Variants in NDE1 observed in about 807,000 individuals in gnomAD.
NDE1 encodes the protein nudE neurodevelopment protein 1, also known as nuclear distribution protein nudE homolog 1.
Under a neutral mutation model 43.4 loss-of-function variants are expected in NDE1, and 28 were observed. The ratio of observed to expected loss-of-function variants is 0.65; its 90% CI spans 0.48 to 0.89. The LOEUF is 0.89. Among genes scored for constraint, NDE1 ranks in the 40% least tolerant of loss-of-function variants. The pLI is 0.00. For missense variants in NDE1, 441 were observed against 434.1 expected, an observed-to-expected ratio of 1.02 and a Z score of -0.14; for synonymous variants, 184 against 172.0, an observed-to-expected ratio of 1.07 and a Z score of -0.55.
At position 15,721,335 on chromosome 16, in the gene NDE1, C is replaced by G. The variant is rs576885825; in HGVS notation, c.948-2856C>G. 5.6e-6 allele frequency: 8 copies of G among 1,440,744 alleles called. No homozygotes were observed. The Admixed American group carries it at 6.8e-5, about 12-fold the overall frequency. 89.2% of individuals were successfully genotyped at this position (1,440,744 alleles called of 1,614,324 possible). ...GATGATAGTTCGCTATGAAAAAGGCCAGGAGCTAGCCTCGCATGGACTGGT... is the reference window on the plus strand; with the variant it reads ...GATGATAGTTCGCTATGAAAAAGGCGAGGAGCTAGCCTCGCATGGACTGGT... On this transcript the variant is annotated intron_variant, in intron 8 of 8. Coordinates refer to ENST00000396354, the MANE Select transcript of NDE1 (RefSeq NM_017668.3).
In NDE1 at chr16:15,650,252, C is replaced by T. The variant is rs1217388099; in HGVS notation, c.-86C>T. 5 of 301,942 alleles carry T rather than the reference C, an allele frequency of 1.7e-5. No individual in the cohort carries two copies. Among genetic ancestry groups the T allele is most frequent in the South Asian group, 7.4e-5 (3 of 40,352 alleles). 18.7% of individuals were successfully genotyped at this position (301,942 alleles called of 1,614,324 possible). A position where few individuals can be genotyped will look rare whatever the true frequency, so the allele number is the denominator to read the frequency against. On this transcript the variant is annotated 5_prime_UTR_variant, in exon 1 of 9. Coordinates refer to ENST00000396354, the MANE Select transcript of NDE1 (RefSeq NM_017668.3). Reference sequence around the variant, plus strand: ...GGGGCCGCACCGCCCTTCGCAGCCGCCTCTGCCGCCGCCGCCGCGTTGGCC... The same window carrying T: ...GGGGCCGCACCGCCCTTCGCAGCCGTCTCTGCCGCCGCCGCCGCGTTGGCC...
intron 8 of NDE1, chr16:15,699,907 G>A (rs1193980496): frequency 1.7e-5 from 21 of 1,261,642 alleles, no homozygotes; most frequent in Non-Finnish European, 2.1e-5. Context: ...TTTGTTTTAA[G>A]TTAGTTTGAG....
Position 15,691,240 on chromosome 16 carries a change from A to T in NDE1, c.620A>T (p.Gln207Leu). ...GCTGAGAGGACAGACACAGCTGTGCAGGCCACGGGCTCCGTGCCGTCCACG... is the reference window on the plus strand; with the variant it reads ...GCTGAGAGGACAGACACAGCTGTGCTGGCCACGGGCTCCGTGCCGTCCACG... ...VEAERTDTAV[Q>L]ATGSVPSTPI... The change falls in exon 6 of 9, where the codon CAG becomes CTG. Residue 207 changes from glutamine to leucine, a missense_variant. By Grantham distance (113) the Gln-to-Leu change is moderately radical (BLOSUM62 -2). Transcript: ENST00000396354. The T allele has an allele frequency of 6.2e-7, 1 of 1,614,220 alleles. No homozygotes were observed.
chr16:15,664,748 A>G lies in NDE1; in HGVS notation c.-31A>G, dbSNP rs2151435925. 1 of 1,511,466 alleles carries G rather than the reference A, an allele frequency of 6.6e-7. No individual in the cohort carries two copies. Among genetic ancestry groups the G allele is most frequent in the Non-Finnish European group, 9.2e-7 (1 of 1,087,134 alleles). 93.6% of individuals were successfully genotyped at this position (1,511,466 alleles called of 1,614,324 possible). Reference sequence around the variant, plus strand: ...CCTTCTCTCCTAGACACCATGCCACAAGGAGAGTGATCTCTTCCCCTGTTT... The same window carrying G: ...CCTTCTCTCCTAGACACCATGCCACGAGGAGAGTGATCTCTTCCCCTGTTT... On this transcript the variant is annotated 5_prime_UTR_variant, in exon 2 of 9. Transcript: ENST00000396354.
intron 8 of NDE1, among the ~76,000 whole-genome samples, chr16:15,716,909 T>C (rs755138863): frequency 3.3e-5 from 5 of 152,206 alleles, no homozygotes; most frequent in Admixed American, 6.5e-5. Context: ...AGGAGGACCA[T>C]GGAGATGCTA....
intron 1 of NDE1, among the ~76,000 whole-genome samples, chr16:15,645,230 A>G (rs1043528377): frequency 8.6e-5 from 13 of 152,030 alleles, no homozygotes; most frequent in Admixed American, 7.9e-4. Flanking sequence ...CTTTATATGT[A>G]TATTTTTCTT....
chr16:15,645,366 C>A (rs114213203), upstream of NDE1, among the ~76,000 whole-genome samples: 2 of 152,136 alleles, frequency 1.3e-5, no homozygotes, highest in Non-Finnish European at 2.9e-5. Context: ...CATGGTGACT[C>A]ATGTCGTAAT....
chr16:15,696,182 T>G (rs1246737121), intron 7 of NDE1, among the ~76,000 whole-genome samples: 2 of 148,886 alleles, frequency 1.3e-5, no homozygotes, highest in Non-Finnish European at 3.0e-5. Flanking sequence ...TTTAAAAAAT[T>G]TTTCGTAATT....
At chr16:15,699,386 A>G (rs2039146486) in intron 8 of NDE1, among the ~76,000 whole-genome samples, 1 of 151,956 alleles carries the variant, frequency 6.6e-6, no homozygotes, top group African/African-American at 2.4e-5. Context: ...CAGCCTACCA[A>G]GTAGCTGGGA....
intron 3 of NDE1, among the ~76,000 whole-genome samples, chr16:15,669,816 C>T (rs562763042): frequency 1.8e-4 from 28 of 152,336 alleles, no homozygotes; most frequent in African/African-American, 6.5e-4. Context: ...TGTTTGGCAG[C>T]ATCCCTGGCC....
intron 8 of NDE1, chr16:15,712,797 A>C (rs951772499): frequency 5.3e-5 from 7 of 131,102 alleles, no homozygotes; most frequent in African/African-American, 1.8e-4. Flanking sequence ...CTGTCAGGGG[A>C]CCTCTGGCCA....
chr16:15,679,096 AAAC>A (rs373261614), intron 4 of NDE1, among the ~76,000 whole-genome samples: 37 of 152,172 alleles, frequency 2.4e-4, no homozygotes, highest in African/African-American at 6.7e-4. Flanking sequence ...ACAAAACAAA[AAAC>A]AACAAAAAAA....
chr16:15,688,183 G>T (rs978010636), intron 5 of NDE1, among the ~76,000 whole-genome samples: 3 of 150,556 alleles, frequency 2.0e-5, no homozygotes, highest in Admixed American at 2.0e-4. Flanking sequence ...CTCTTAAGAA[G>T]CAAAGATGTT....
intron 7 of NDE1, chr16:15,695,990 G>A (rs1294981070): frequency 6.6e-6 from 1 of 152,012 alleles, no homozygotes; most frequent in African/African-American, 2.4e-5. Flanking sequence ...ATAATTGGTA[G>A]GTTAGTGATT....
chr16:15,691,339 AT>A lies in NDE1; in HGVS notation c.703+18del. The A allele has an allele frequency of 6.2e-7, 1 of 1,613,248 alleles. No homozygotes were observed. Among genetic ancestry groups the A allele is most frequent in the Non-Finnish European group, 8.5e-7 (1 of 1,179,620 alleles). ...TTCAGACGTGGTAAGGGGAGTGGGA[AT>A]TGCAGGATTTTCTCGGTTCACAAAG... On this transcript the variant is annotated intron_variant, in intron 6 of 8. Coordinates refer to ENST00000396354, the MANE Select transcript of NDE1 (RefSeq NM_017668.3).
intron 8 of NDE1, among the ~76,000 whole-genome samples, chr16:15,716,805 C>G (rs559309236): frequency 6.6e-6 from 1 of 152,184 alleles, no homozygotes; most frequent in Non-Finnish European, 1.5e-5. Flanking sequence ...TGAGCCACCA[C>G]GTCCAGCCTG....
intron 8 of NDE1, among the ~76,000 whole-genome samples, chr16:15,702,496 C>T (rs2039253194): frequency 6.6e-6 from 1 of 152,088 alleles, no homozygotes. Flanking sequence ...CTCACATGAT[C>T]CTCCTGCCTT....
chr16:15,710,722 G>GTATATATACTCCAAGC (rs2039738803), intron 8 of NDE1, among the ~76,000 whole-genome samples: 1 of 151,990 alleles, frequency 6.6e-6, no homozygotes, highest in East Asian at 1.9e-4. Flanking sequence ...TGCTCTGAAG[G>GTATATATACTCCAAGC]CTGGAGTATA....
At chr16:15,715,114 A>G in intron 8 of NDE1, 1 of 1,535,774 alleles carries the variant, frequency 6.5e-7, no homozygotes, top group Non-Finnish European at 8.9e-7. Context: ...TGGTTAGGGG[A>G]GGCCGGCTGG....
Sources: allele counts gnomAD v4.1 joint callset (sites outside exome capture counted in the v4.1 genomes callset), GRCh38; gene constraint gnomAD v4.1.1; transcripts MANE v1.5; gene names NCBI Gene and HGNC (gene_info 2026-07-23, HGNC 2026-07-21).